The following PXDNL variants were observed in gnomAD, a reference collection of about 807,000 sequenced individuals.
PXDNL encodes the protein probable oxidoreductase PXDNL.
In PXDNL, 145 loss-of-function variants were observed where a neutral mutation model predicts 150.8. The observed-to-expected ratio is 0.96, with a 90% CI of 0.84 to 1.10. The LOEUF (loss-of-function observed/expected upper bound fraction) is 1.10. PXDNL is among the 50% of genes least tolerant of loss of function. The pLI, the probability that PXDNL is intolerant of heterozygous loss-of-function variation, is 0.00. For synonymous variants in PXDNL, 757 were observed against 725.7 expected, an observed-to-expected ratio of 1.04 and a Z score of -0.69; for missense variants, 2,087 against 1,873.9, an observed-to-expected ratio of 1.11 and a Z score of -2.10.
chr8:51,669,461 T>C (rs1484761153), intron 1 of PXDNL, among the ~76,000 whole-genome samples: 1 of 152,216 alleles, frequency 6.6e-6, no homozygotes, highest in Non-Finnish European at 1.5e-5. Context: ...TATAATTGCT[T>C]ACTTAGGTTT....
At chr8:51,552,576 C>T (rs1229196820) in intron 4 of PXDNL, among the ~76,000 whole-genome samples, 2 of 152,112 alleles carry the variant, frequency 1.3e-5, no homozygotes. Flanking sequence ...TGCAGTAACT[C>T]AGAAATGGAA....
At chr8:51,349,168 T>TGG (rs1206410504) in intron 19 of PXDNL, among the ~76,000 whole-genome samples, 15 of 68,614 alleles carry the variant, frequency 2.2e-4, no homozygotes, top group African/African-American at 5.3e-4. Flanking sequence ...GGTGGGTGTG[T>TGG]GTGTGGGGGT....
chr8:51,660,113 C>T (rs1815241137), intron 1 of PXDNL, among the ~76,000 whole-genome samples: 2 of 152,062 alleles, frequency 1.3e-5, no homozygotes, highest in African/African-American at 4.8e-5. Context: ...TGGTCTGGAA[C>T]ACCTGATCTC....
intron 1 of PXDNL, among the ~76,000 whole-genome samples, chr8:51,710,167 C>T (rs1816465572): frequency 6.6e-6 from 1 of 152,180 alleles, no homozygotes; most frequent in Admixed American, 6.5e-5. Flanking sequence ...GGCTCTGAGA[C>T]TCCACCAAAA....
intron 17 of PXDNL, among the ~76,000 whole-genome samples, chr8:51,402,497 T>A (rs1212731449): frequency 6.6e-6 from 1 of 151,958 alleles, no homozygotes; most frequent in Non-Finnish European, 1.5e-5. Flanking sequence ...CCAGCGTGGG[T>A]GACAGAGAAA....
intron 17 of PXDNL, among the ~76,000 whole-genome samples, chr8:51,387,212 T>C (rs1016432471): frequency 1.3e-5 from 2 of 152,240 alleles, no homozygotes; most frequent in African/African-American, 4.8e-5. Flanking sequence ...TCTAAACTGA[T>C]GAAAATTATG....
At chr8:51,566,814 A>G (rs147467078) in intron 3 of PXDNL, among the ~76,000 whole-genome samples, 1,882 of 149,174 alleles carry the variant, frequency 0.013, 12 homozygotes, top group African/African-American at 0.014. Context: ...GTAATTATCC[A>G]TTTCTTCTGC....
chr8:51,457,239 G>A (rs1005162732), intron 9 of PXDNL, among the ~76,000 whole-genome samples: 1 of 152,296 alleles, frequency 6.6e-6, no homozygotes, highest in Middle Eastern at 3.4e-3. Flanking sequence ...TCTGCATAAG[G>A]ATGCTGGATA....
chr8:51,603,996 T>C (rs1211925230), intron 2 of PXDNL, among the ~76,000 whole-genome samples: 1 of 152,032 alleles, frequency 6.6e-6, no homozygotes, highest in Non-Finnish European at 1.5e-5. Context: ...ACCAAAGAAG[T>C]AGTACATTTT....
intron 4 of PXDNL, among the ~76,000 whole-genome samples, chr8:51,513,868 T>G (rs1357259360): frequency 6.6e-6 from 1 of 152,224 alleles, no homozygotes; most frequent in Non-Finnish European, 1.5e-5. Flanking sequence ...AAAACCAGTT[T>G]CCAGATGTAG....
Position 51,337,256 on chromosome 8 carries a change from T to G in PXDNL, c.4146+2368A>C, listed in dbSNP as rs147931494. On this transcript the variant is annotated intron_variant, in intron 21 of 22. Coordinates refer to ENST00000356297, the MANE Select transcript of PXDNL (RefSeq NM_144651.5). ...AAATACACAATTATCACCACCAATATGTAATGAAATGGAAATTGAACTGAA... is the reference window on the plus strand; with the variant it reads ...AAATACACAATTATCACCACCAATAGGTAATGAAATGGAAATTGAACTGAA... Among the ~76,000 whole-genome samples the G allele has an allele frequency of 4.9e-4, 74 of 152,304 alleles. No homozygotes were observed. The East Asian group carries it at 0.013, about 27-fold the overall frequency.
chr8:51,344,938 C>A (rs772146491), intron 20 of PXDNL, among the ~76,000 whole-genome samples: 4 of 152,132 alleles, frequency 2.6e-5, no homozygotes, highest in Non-Finnish European at 5.9e-5. Flanking sequence ...ACTTCTTGTC[C>A]AACAACACTA....
intron 11 of PXDNL, among the ~76,000 whole-genome samples, chr8:51,448,700 AAAACAAACAAACAAAC>A: frequency 6.6e-6 from 1 of 150,536 alleles, no homozygotes; most frequent in Non-Finnish European, 1.5e-5. Flanking sequence ...ACTCTGTCTC[AAAACAAACAAACAAAC>A]AAACAAACAA....
intron 4 of PXDNL, among the ~76,000 whole-genome samples, chr8:51,536,416 T>C (rs997716164): frequency 6.6e-6 from 1 of 152,198 alleles, no homozygotes. Flanking sequence ...GAACAGTAGC[T>C]AAACGGGAAT....
At chr8:51,432,249 G>A (rs921892811) in intron 12 of PXDNL, among the ~76,000 whole-genome samples, 1 of 152,182 alleles carries the variant, frequency 6.6e-6, no homozygotes, top group Non-Finnish European at 1.5e-5. Flanking sequence ...GCAGCCATGA[G>A]CAATGACACT....
At chr8:51,729,994 G>T (rs1816886494) in intron 1 of PXDNL, among the ~76,000 whole-genome samples, 2 of 152,202 alleles carry the variant, frequency 1.3e-5, no homozygotes, top group African/African-American at 4.8e-5. Context: ...AGGATAGGTG[G>T]AGCACAGAGG....
chr8:51,721,566 T>A (rs563838213), intron 1 of PXDNL: 1 of 246,212 alleles, frequency 4.1e-6, no homozygotes, highest in African/African-American at 2.3e-5. Flanking sequence ...CACACCAACA[T>A]GGCACATGTA....
At chr8:51,776,517 G>T (rs146141714) in intron 1 of PXDNL, among the ~76,000 whole-genome samples, 1 of 152,018 alleles carries the variant, frequency 6.6e-6, no homozygotes, top group Admixed American at 6.6e-5. Context: ...TTGAATTATC[G>T]GGGGCTGGTT....
At chr8:51,375,224 C>A (rs1322089390) in intron 17 of PXDNL, among the ~76,000 whole-genome samples, 1 of 152,178 alleles carries the variant, frequency 6.6e-6, no homozygotes, top group East Asian at 1.9e-4. Flanking sequence ...GGTAAGTTTT[C>A]TCTTGATAAA....
Sources: allele counts gnomAD v4.1 joint callset (sites outside exome capture counted in the v4.1 genomes callset), GRCh38; gene constraint gnomAD v4.1.1; transcripts MANE v1.5; gene names NCBI Gene and HGNC (gene_info 2026-07-23, HGNC 2026-07-21).